ZGRF1: variants seen among roughly 807,000 people sequenced by gnomAD.
The protein encoded by ZGRF1 is 5'-3' DNA helicase ZGRF1.
In ZGRF1, 196 loss-of-function variants were observed where a neutral mutation model predicts 203.5. The observed-to-expected ratio is 0.96, with a 90% confidence interval of 0.86 to 1.08. ZGRF1 has a LOEUF of 1.08. Among genes scored for constraint, ZGRF1 ranks in the 50% least tolerant of loss-of-function variants. The pLI is 0.00. For synonymous variants in ZGRF1, 809 were observed against 841.3 expected (o/e 0.96, Z 0.66); for missense variants, 2,326 against 2,416.3 (o/e 0.96, Z 0.78).
intron 18 of ZGRF1, among the ~76,000 whole-genome samples, chr4:112,561,991 C>T (rs1742089073): frequency 6.9e-6 from 1 of 145,510 alleles, no homozygotes; most frequent in Non-Finnish European, 1.5e-5. Flanking sequence ...CTCACCGCAA[C>T]CTCCGCCTCC....
chr4:112,609,179 G>T (rs1363171633), intron 8 of ZGRF1, among the ~76,000 whole-genome samples, 200 bp downstream of exon 8: 2 of 151,364 alleles, frequency 1.3e-5, no homozygotes, highest in Non-Finnish European at 2.9e-5. Context: ...TCAGCCTCCC[G>T]AGTAGCCGGG....
Position 112,620,011 on chromosome 4 carries a change from C to T in ZGRF1, c.342G>A (p.Arg114=), listed in dbSNP as rs955789590. 6.4e-7 allele frequency: 1 copy of T among 1,573,008 alleles called. No individual in the cohort carries two copies. Among genetic ancestry groups the T allele is most frequent in the African/African-American group, 1.4e-5 (1 of 72,728 alleles). The change falls in exon 5 of 28, where the codon AGG becomes AGA. Residue 114 remains arginine, a synonymous_variant. Coordinates refer to ENST00000505019, the MANE Select transcript of ZGRF1 (RefSeq NM_018392.5). ...CCATAGCAAAACTTACAGTAAACTTCCTTTTTAAGCCAGAGGGCTGACATC... is the reference window on the plus strand; with the variant it reads ...CCATAGCAAAACTTACAGTAAACTTTCTTTTTAAGCCAGAGGGCTGACATC... ...SLGCQPSGLK[R]KFTGFQGPRQ... is the part of the protein sequence containing the mutation.
intron 19 of ZGRF1, among the ~76,000 whole-genome samples, chr4:112,559,825 G>C (rs181927050): frequency 1.4e-4 from 22 of 152,248 alleles, no homozygotes; most frequent in African/African-American, 5.3e-4. Context: ...TCTAACTCTA[G>C]ACCCCACACT....
intron 4 of ZGRF1, among the ~76,000 whole-genome samples, chr4:112,622,018 G>A (rs139331242): frequency 0.03 from 4,475 of 151,636 alleles, 102 homozygotes; most frequent in Middle Eastern, 0.089. Context: ...GTGAGCCACC[G>A]CGCCTGGCCT....
intron 1 of ZGRF1, among the ~76,000 whole-genome samples, chr4:112,635,164 A>G (rs923023159): frequency 6.6e-6 from 1 of 151,612 alleles, no homozygotes; most frequent in African/African-American, 2.4e-5. Flanking sequence ...CAACTTCCAC[A>G]TCCTATCTCC....
chr4:112,604,223 C>CAAA (rs35629278), intron 9 of ZGRF1, among the ~76,000 whole-genome samples: 1 of 138,060 alleles, frequency 7.2e-6, no homozygotes. Flanking sequence ...GATTCCATCT[C>CAAA]AAAAAAAAAA....
chr4:112,540,944 ATCTCTT>A lies in ZGRF1; in HGVS notation c.5781_5786del (p.Glu1927_Arg1928del). On this transcript the variant is annotated inframe_deletion, in exon 26 of 28. Coordinates refer to ENST00000505019, the MANE Select transcript of ZGRF1 (RefSeq NM_018392.5). ...CTTCTGCCACATTATGAAAGCTGTT[ATCTCTT>A]TCTATCTGGAGTAAGAAATAGATCC... is the stretch of plus-strand genomic sequence containing the variant. 1 of 1,568,460 alleles carries A rather than the reference ATCTCTT, an allele frequency of 6.4e-7. No individual in the cohort carries two copies. The highest frequency in any genetic ancestry group is 8.7e-7 in the Non-Finnish European group (1 of 1,154,860).
intron 7 of ZGRF1, among the ~76,000 whole-genome samples, chr4:112,609,942 C>T (rs961201022): frequency 6.6e-6 from 1 of 152,112 alleles, no homozygotes; most frequent in Non-Finnish European, 1.5e-5. Context: ...GAGTTTGAGA[C>T]CAGCTGGGGA....
chr4:112,601,720 G>A (rs1320946022), intron 10 of ZGRF1, among the ~76,000 whole-genome samples: 1 of 151,552 alleles, frequency 6.6e-6, no homozygotes, highest in African/African-American at 2.4e-5. Flanking sequence ...CTGGGTGACA[G>A]AGTTAAGACT....
intron 20 of ZGRF1, among the ~76,000 whole-genome samples, 153 bp downstream of exon 20, chr4:112,557,997 G>A (rs964087836): frequency 2.6e-5 from 4 of 152,172 alleles, no homozygotes; most frequent in Admixed American, 6.5e-5. Flanking sequence ...GCCCATTACT[G>A]TTTCATAGAT....
chr4:112,548,159 G>C (rs1478171627), intron 23 of ZGRF1, 94 bp downstream of exon 23: 1 of 1,126,148 alleles, frequency 8.9e-7, no homozygotes, highest in African/African-American at 1.6e-5. Flanking sequence ...CAAGCTGGTC[G>C]CAAACTCCTA....
chr4:112,624,059 G>GC, intron 3 of ZGRF1, 183 bp from the exon 4 acceptor site: 2 of 461,978 alleles, frequency 4.3e-6, no homozygotes, highest in Non-Finnish European at 3.9e-6. Context: ...CTGTTTAAGA[G>GC]AGTAAAGGCA....
chr4:112,619,034 T>C lies in ZGRF1; in HGVS notation c.1008A>G (p.Ser336=). ...RWAMYLSSQS[S]PIHSSTVDGN... ...CATCTACAGTAGAAGAATGTATAGG[T>C]GAACTCTGTGAGGATAAATACATGG... Residue 336 remains serine, a synonymous_variant, in exon 6 of 28, where the codon TCA becomes TCG. Transcript: ENST00000505019. The C allele has an allele frequency of 6.2e-7, 1 of 1,614,042 alleles. No homozygotes were observed. Among genetic ancestry groups the C allele is most frequent in the Non-Finnish European group, 8.5e-7 (1 of 1,179,954 alleles).
chr4:112,573,548 T>A (rs1162038432), intron 16 of ZGRF1, among the ~76,000 whole-genome samples: 1 of 151,888 alleles, frequency 6.6e-6, no homozygotes, highest in African/African-American at 2.4e-5. Context: ...CCTCAAAAAA[T>A]TATGGAAATT....
chr4:112,587,656 T>A lies in ZGRF1; in HGVS notation c.3401A>T (p.Asp1134Val). 16 of 1,613,736 alleles carry A rather than the reference T, an allele frequency of 9.9e-6. No homozygotes were observed. The highest frequency in any genetic ancestry group is 1.4e-5 in the Non-Finnish European group (16 of 1,179,798). Residue 1134 changes from aspartate to valine, a missense_variant, in exon 12 of 28, where the codon GAT becomes GTT. By Grantham distance (152) the Asp-to-Val change is radical. Coordinates refer to ENST00000505019, the MANE Select transcript of ZGRF1 (RefSeq NM_018392.5). ...AGTAGATATATTATTAAGTGAAACA[T>A]CCCCTGGATTCACTTCCCTAGATTC... ...SEESREVNPG[D>V]VSLNNISTQS...
chr4:112,558,396 C>G (rs539811360), intron 19 of ZGRF1, 87 bp from the exon 20 acceptor site: 9 of 1,097,720 alleles, frequency 8.2e-6, no homozygotes, highest in Non-Finnish European at 1.1e-5. Context: ...CAGAGTCTCA[C>G]TCACTCTGTC....
intron 4 of ZGRF1, among the ~76,000 whole-genome samples, chr4:112,623,046 C>T (rs763393731): frequency 2.1e-4 from 32 of 152,242 alleles, no homozygotes; most frequent in Admixed American, 5.2e-4. Flanking sequence ...ATTTAGCTCC[C>T]ACTTACATGT....
At position 112,576,266 on chromosome 4, in the gene ZGRF1, A is replaced by C. The variant is rs1037772365; in HGVS notation, c.4438+5397T>G. On this transcript the variant is annotated intron_variant, in intron 16 of 27. Coordinates refer to ENST00000505019, the MANE Select transcript of ZGRF1 (RefSeq NM_018392.5). ...CAAACAGAAAGGACATCCAAACCAA[A>C]ACCCCATCTGTACGTCACCATCATC... 4.6e-5 allele frequency among the ~76,000 whole-genome samples: 7 copies of C among 152,282 alleles called. No homozygotes were observed. In the South Asian group the frequency reaches 1.2e-3, roughly 27 times the overall value.
At chr4:112,625,216 G>A (rs980907265) in intron 3 of ZGRF1, among the ~76,000 whole-genome samples, 1 of 152,206 alleles carries the variant, frequency 6.6e-6, no homozygotes, top group South Asian at 2.1e-4. Flanking sequence ...TTGAGCCTAA[G>A]GGTTTGAGGC....
Sources: allele counts gnomAD v4.1 joint callset (sites outside exome capture counted in the v4.1 genomes callset), GRCh38; gene constraint gnomAD v4.1.1; transcripts MANE v1.5; gene names NCBI Gene and HGNC (gene_info 2026-07-23, HGNC 2026-07-21).